The following PPFIA2 variants were observed in gnomAD, a reference collection of about 807,000 sequenced individuals.
PPFIA2 encodes the protein liprin-alpha-2.
Under a neutral mutation model 175.5 loss-of-function variants are expected in PPFIA2, and 46 were observed. The observed-to-expected ratio is 0.26, with a 90% CI of 0.21 to 0.34. The LOEUF (loss-of-function observed/expected upper bound fraction) is 0.34, where lower values mean the gene tolerates loss of function less well. PPFIA2 is among the 10% of genes least tolerant of loss of function. PPFIA2 has a pLI of 1.00. For synonymous variants in PPFIA2, 568 were observed against 511.4 expected, an observed-to-expected ratio of 1.11 and a Z score of -1.49; for missense variants, 1,179 against 1,506.1, an observed-to-expected ratio of 0.78 and a Z score of 3.60.
At chr12:81,302,778 T>G in intron 22 of PPFIA2, 1 of 405,616 alleles carries the variant, frequency 2.5e-6, no homozygotes, top group Non-Finnish European at 5.0e-6. Flanking sequence ...TTATTTTTAA[T>G]TATAAAATAA....
At chr12:81,658,251 A>G (rs1458158101) in intron 4 of PPFIA2, among the ~76,000 whole-genome samples, 1 of 150,594 alleles carries the variant, frequency 6.6e-6, no homozygotes, top group Non-Finnish European at 1.5e-5. Context: ...CTGGGCAACA[A>G]GAGCAAAACT....
intron 3 of PPFIA2, among the ~76,000 whole-genome samples, chr12:81,683,056 A>C (rs189748703): frequency 1.1e-4 from 17 of 152,174 alleles, no homozygotes; most frequent in Admixed American, 2.6e-4. Context: ...CCATACTGCT[A>C]CTTCAATCTC....
intron 18 of PPFIA2, 51 bp downstream of exon 18, chr12:81,347,482 G>T (rs1476110348): frequency 2.1e-6 from 3 of 1,436,992 alleles, no homozygotes; most frequent in Non-Finnish European, 2.0e-6. Flanking sequence ...TTTAGCTAAA[G>T]CATCATTAAT....
intron 8 of PPFIA2, among the ~76,000 whole-genome samples, chr12:81,395,428 G>A (rs576242391): frequency 3.3e-5 from 5 of 152,100 alleles, no homozygotes; most frequent in African/African-American, 1.2e-4. Context: ...TAAAAATCTT[G>A]TTGGGGCACA....
intron 4 of PPFIA2, among the ~76,000 whole-genome samples, chr12:81,653,445 T>C (rs1284677367): frequency 6.6e-6 from 1 of 152,070 alleles, no homozygotes. Context: ...AGTAGATTTG[T>C]TTCCTTCTAA....
chr12:81,286,430 T>C (rs1390384327), intron 24 of PPFIA2, among the ~76,000 whole-genome samples: 2 of 152,060 alleles, frequency 1.3e-5, no homozygotes, highest in African/African-American at 2.4e-5. Context: ...ATTTTTACTG[T>C]ACCTTTTCTA....
chr12:81,294,900 G>C lies in PPFIA2; in HGVS notation c.2860C>G (p.Leu954Val), dbSNP rs776295326. The C allele has an allele frequency of 6.2e-7, 1 of 1,613,596 alleles. No individual in the cohort carries two copies. The highest frequency in any genetic ancestry group is 8.5e-7 in the Non-Finnish European group (1 of 1,179,736). The change falls in exon 24 of 33, where the codon CTT (leucine) becomes GTT (valine). Residue 954 changes from leucine to valine, a missense_variant. Physicochemically the swap from Leu to Val is conservative, Grantham distance 32 (BLOSUM62 1). Coordinates refer to ENST00000549396, the MANE Select transcript of PPFIA2 (RefSeq NM_003625.5). ...ACCATCTCCTGGATTGCTAATCGAAGTTTTAAGCGATGCAGTGGATTGCTG... is the reference window on the plus strand; with the variant it reads ...ACCATCTCCTGGATTGCTAATCGAACTTTTAAGCGATGCAGTGGATTGCTG... Reference protein sequence around the residue: ...GISNPLHRLKLRLAIQEMVSL... With the variant: ...GISNPLHRLKVRLAIQEMVSL...
At chr12:81,575,591 A>G (rs1431800131) in intron 4 of PPFIA2, among the ~76,000 whole-genome samples, 1 of 151,812 alleles carries the variant, frequency 6.6e-6, no homozygotes, top group Non-Finnish European at 1.5e-5. Flanking sequence ...CTCTCTGGAA[A>G]GTTCCATTCA....
chr12:81,527,593 T>C (rs1217654952), intron 4 of PPFIA2, among the ~76,000 whole-genome samples: 1 of 152,126 alleles, frequency 6.6e-6, no homozygotes, highest in Non-Finnish European at 1.5e-5. Flanking sequence ...CCTTTCCTCA[T>C]ACCTTCGGTG....
intron 4 of PPFIA2, among the ~76,000 whole-genome samples, chr12:81,614,617 T>G (rs953059255): frequency 6.6e-6 from 1 of 152,170 alleles, no homozygotes; most frequent in Admixed American, 6.5e-5. Flanking sequence ...CTACTGCCAC[T>G]CTTACCTTGC....
chr12:81,428,175 A>G (rs1254134954), intron 7 of PPFIA2, among the ~76,000 whole-genome samples: 1 of 151,988 alleles, frequency 6.6e-6, no homozygotes, highest in Non-Finnish European at 1.5e-5. Context: ...AGAGAAAAAA[A>G]GCATTCAAAA....
chr12:81,684,621 T>C (rs1290997182), intron 3 of PPFIA2, among the ~76,000 whole-genome samples: 2 of 152,148 alleles, frequency 1.3e-5, no homozygotes, highest in African/African-American at 4.8e-5. Context: ...GCAATAATGT[T>C]TGCACAATAA....
chr12:81,690,721 T>G (rs750294703), intron 3 of PPFIA2, among the ~76,000 whole-genome samples: 5 of 152,080 alleles, frequency 3.3e-5, no homozygotes, highest in Admixed American at 1.3e-4. Flanking sequence ...TAACACAAAT[T>G]TATTATTTCA....
chr12:81,510,916 A>G (rs1161966552), intron 4 of PPFIA2, among the ~76,000 whole-genome samples: 1 of 152,084 alleles, frequency 6.6e-6, no homozygotes, highest in African/African-American at 2.4e-5. Flanking sequence ...CTGATGTGCA[A>G]CTAATTAGAA....
chr12:81,596,338 A>G (rs2059242839), intron 4 of PPFIA2, among the ~76,000 whole-genome samples: 1 of 152,136 alleles, frequency 6.6e-6, no homozygotes, highest in Admixed American at 6.6e-5. Flanking sequence ...ACAAAAAGAT[A>G]AACATCAAAA....
intron 4 of PPFIA2, among the ~76,000 whole-genome samples, chr12:81,491,998 AG>A (rs1593895285): frequency 6.6e-6 from 1 of 152,026 alleles, no homozygotes; most frequent in East Asian, 1.9e-4. Context: ...GCCTAGTTCA[AG>A]TTGTAGTACT....
At chr12:81,464,682 C>T (rs575189659) in intron 4 of PPFIA2, among the ~76,000 whole-genome samples, 15 of 152,234 alleles carry the variant, frequency 9.9e-5, no homozygotes, top group African/African-American at 3.6e-4. Flanking sequence ...TGCCTATTTA[C>T]ATTCCTAGAC....
intron 15 of PPFIA2, among the ~76,000 whole-genome samples, chr12:81,359,207 A>G (rs949124613): frequency 6.6e-6 from 1 of 151,996 alleles, no homozygotes; most frequent in Non-Finnish European, 1.5e-5. Flanking sequence ...TTTTTCAGTT[A>G]TTCTTGTGAA....
At chr12:81,368,914 A>G in intron 12 of PPFIA2, 58 bp from the exon 13 acceptor site, 2 of 1,543,612 alleles carry the variant, frequency 1.3e-6, no homozygotes, top group Admixed American at 2.0e-5. Context: ...GATTATTTTT[A>G]TAGTGTTGCT....
Sources: gnomAD v4.1 joint callset for allele counts (sites outside exome capture counted in the v4.1 genomes callset) on GRCh38, gnomAD v4.1.1 for gene constraint, MANE v1.5 for transcripts, NCBI Gene and HGNC (gene_info 2026-07-23, HGNC 2026-07-21) for gene names.